Variants in CDH22 observed in about 807,000 individuals in gnomAD.
The protein encoded by CDH22 is cadherin-22.
A neutral mutation model predicts 58.4 loss-of-function variants in CDH22; 30 were observed. The ratio of observed to expected loss-of-function variants is 0.51; its 90% CI spans 0.38 to 0.70. CDH22 has a LOEUF of 0.70. Ranked by LOEUF, CDH22 falls within the 30% of genes least tolerant of loss-of-function variation. CDH22 has a pLI of 0.00. For synonymous variants in CDH22, 513 were observed against 558.2 expected (o/e 0.92, Z 1.14); for missense variants, 1,014 against 1,233.9 (o/e 0.82, Z 2.67).
At chr20:46,254,358 C>T (rs2086396028) in intron 1 of CDH22, among the ~76,000 whole-genome samples, 1 of 151,900 alleles carries the variant, frequency 6.6e-6, no homozygotes, top group African/African-American at 2.4e-5. Flanking sequence ...AGTTCGAGAC[C>T]AGCCAGGTAA....
intron 3 of CDH22, among the ~76,000 whole-genome samples, chr20:46,235,939 A>G (rs1473010812): frequency 6.6e-6 from 1 of 152,178 alleles, no homozygotes; most frequent in Non-Finnish European, 1.5e-5. Context: ...GTACAACCAA[A>G]AACCTTTCAA....
At chr20:46,227,778 A>C in intron 3 of CDH22, 151 bp from the exon 4 acceptor site, 2 of 1,151,540 alleles carry the variant, frequency 1.7e-6, no homozygotes, top group Admixed American at 2.6e-5. Flanking sequence ...CCCCATCCCC[A>C]CTCTGAGCCC....
At chr20:46,205,376 A>G (rs965788662) in intron 7 of CDH22, among the ~76,000 whole-genome samples, 2 of 152,200 alleles carry the variant, frequency 1.3e-5, no homozygotes, top group East Asian at 1.9e-4. Context: ...GGCACATACT[A>G]TTATGATGTC....
At chr20:46,217,064 G>C (rs1173903348) in intron 4 of CDH22, 71 bp from the exon 5 acceptor site, 2 of 1,471,594 alleles carry the variant, frequency 1.4e-6, no homozygotes, top group Non-Finnish European at 9.2e-7. Flanking sequence ...CCCCTGTACA[G>C]GCGGGATTCA....
chr20:46,235,846 A>G (rs898377066), intron 3 of CDH22, among the ~76,000 whole-genome samples: 3 of 152,076 alleles, frequency 2.0e-5, no homozygotes, highest in Admixed American at 1.3e-4. Context: ...CCTACAGTCT[A>G]TTTTCAACAT....
intron 4 of CDH22, among the ~76,000 whole-genome samples, chr20:46,222,871 G>A (rs899309583): frequency 2.0e-5 from 3 of 152,254 alleles, no homozygotes; most frequent in South Asian, 2.1e-4. Context: ...CCCAGGCCCC[G>A]TTCCGGCTCT....
rs558173515 is a variant in CDH22 at position 46,273,623 on chromosome 20, G to A, written c.-399-21930C>T. On this transcript the variant is annotated intron_variant, in intron 1 of 11. Coordinates refer to ENST00000537909, the MANE Select transcript of CDH22 (RefSeq NM_021248.3). ...TAACAGAGCGCTGTGCTCAGAGCTC[G>A]GTGAGCTGTCCGGAGAGGCAGGGCT... Among the ~76,000 whole-genome samples the A allele has an allele frequency of 6.6e-5, 10 of 152,296 alleles. No homozygotes were observed. The South Asian group carries it at 1.5e-3, about 22-fold the overall frequency.
intron 1 of CDH22, among the ~76,000 whole-genome samples, chr20:46,304,164 G>T (rs979896662): frequency 6.6e-6 from 1 of 152,228 alleles, no homozygotes; most frequent in Non-Finnish European, 1.5e-5. Context: ...GTCAGAGACA[G>T]ATCCTGGTGG....
intron 1 of CDH22, among the ~76,000 whole-genome samples, chr20:46,289,183 G>A (rs2086589380): frequency 6.6e-6 from 1 of 152,098 alleles, no homozygotes; most frequent in African/African-American, 2.4e-5. Context: ...CCTCGCCCCT[G>A]ATGTCTGCCT....
intron 1 of CDH22, among the ~76,000 whole-genome samples, chr20:46,303,198 C>T (rs1414996967): frequency 6.6e-6 from 1 of 152,234 alleles, no homozygotes; most frequent in East Asian, 1.9e-4. Flanking sequence ...TCTGTGTGTT[C>T]TCCTTCAGCC....
intron 10 of CDH22, among the ~76,000 whole-genome samples, chr20:46,181,740 C>CTTTCTTTCTTTCT (rs1568649808): frequency 5.2e-5 from 2 of 38,708 alleles, no homozygotes; most frequent in Non-Finnish European, 1.1e-4. Flanking sequence ...TCCTTCCTTC[C>CTTTCTTTCTTTCT]TTCCTTCCTT....
At chr20:46,294,706 G>T (rs1018879592) in intron 1 of CDH22, among the ~76,000 whole-genome samples, 7 of 152,144 alleles carry the variant, frequency 4.6e-5, no homozygotes, top group Admixed American at 2.6e-4. Context: ...TGCTGGGGTG[G>T]GTAGGTGGGG....
intron 1 of CDH22, among the ~76,000 whole-genome samples, chr20:46,305,553 G>A (rs533001814): frequency 3.3e-5 from 5 of 152,312 alleles, no homozygotes; most frequent in Non-Finnish European, 4.4e-5. Context: ...AGACACCACC[G>A]TAGGGTCTTC....
At chr20:46,206,855 C>G (rs938472545) in intron 7 of CDH22, among the ~76,000 whole-genome samples, 2 of 152,224 alleles carry the variant, frequency 1.3e-5, no homozygotes, top group East Asian at 3.9e-4. Flanking sequence ...CCGGGCACAA[C>G]TCAATGCGGA....
In CDH22 at chr20:46,308,380, G is replaced by T; in HGVS notation, c.-525C>A. 5.1e-6 allele frequency: 1 copy of T among 196,924 alleles called. No homozygotes were observed. The highest frequency in any genetic ancestry group is 1.0e-5 in the Non-Finnish European group (1 of 95,656). The allele number at this position is 196,924 out of a possible 1,614,324, so 12.2% of individuals were successfully genotyped here. ...GCCGCCCGCAGGAGCCGGAGGGAGAGCGGGAGCGAGAGGGGGAGCCGCGGC... is the reference window on the plus strand; with the variant it reads ...GCCGCCCGCAGGAGCCGGAGGGAGATCGGGAGCGAGAGGGGGAGCCGCGGC... On this transcript the variant is annotated 5_prime_UTR_variant, in exon 1 of 12. Coordinates refer to ENST00000537909, the MANE Select transcript of CDH22 (RefSeq NM_021248.3). The surrounding 1 kb of genome is among the most constrained non-coding windows in gnomAD (Gnocchi z 4.3).
At chr20:46,259,483 A>G (rs115045313) in intron 1 of CDH22, among the ~76,000 whole-genome samples, 1,975 of 152,354 alleles carry the variant, frequency 0.013, 22 homozygotes, top group Middle Eastern at 0.031. Flanking sequence ...AGTGCTCTGC[A>G]AATTAAATGC....
chr20:46,305,198 G>A (rs868680210), intron 1 of CDH22, among the ~76,000 whole-genome samples: 4 of 152,212 alleles, frequency 2.6e-5, no homozygotes, highest in African/African-American at 4.8e-5. Context: ...CTCCATGGGC[G>A]GAAAGACAGT....
chr20:46,208,855 A>G (rs1458396995), intron 7 of CDH22, among the ~76,000 whole-genome samples: 3 of 152,120 alleles, frequency 2.0e-5, no homozygotes, highest in African/African-American at 7.2e-5. Flanking sequence ...GGCCTCCCAA[A>G]GTGCTGGGAT....
chr20:46,187,933 C>T (rs889349289), intron 8 of CDH22, among the ~76,000 whole-genome samples: 117 of 152,320 alleles, frequency 7.7e-4, no homozygotes, highest in African/African-American at 2.7e-3. Context: ...TCCAAGACTT[C>T]TGCTTTCTCA....
Sources: gnomAD v4.1 joint callset for allele counts (sites outside exome capture counted in the v4.1 genomes callset) on GRCh38, gnomAD v4.1.1 for gene constraint, Gnocchi (gnomAD v3.1) non-coding constraint, MANE v1.5 for transcripts, NCBI Gene and HGNC (gene_info 2026-07-23, HGNC 2026-07-21) for gene names.